Variants in ZFPM2 observed in about 807,000 individuals in gnomAD.
ZFPM2 encodes the protein zinc finger protein, FOG family member 2, also known as zinc finger protein ZFPM2.
Under a neutral mutation model 98.6 loss-of-function variants are expected in ZFPM2, and 20 were observed. That is an observed-to-expected ratio of 0.20 (90% CI 0.14 to 0.29). The LOEUF is 0.29. Ranked by LOEUF, ZFPM2 falls within the 10% of genes least tolerant of loss-of-function variation. The pLI, the probability that ZFPM2 is intolerant of heterozygous loss-of-function variation, is 1.00. For synonymous variants in ZFPM2, 518 were observed against 502.7 expected (o/e 1.03, Z -0.41); for missense variants, 1,310 against 1,388.6 (o/e 0.94, Z 0.90).
At chr8:105,393,881 A>G (rs2129948931) in intron 1 of ZFPM2, among the ~76,000 whole-genome samples, 1 of 151,542 alleles carries the variant, frequency 6.6e-6, no homozygotes, top group Admixed American at 6.6e-5. Flanking sequence ...ATAGAATTAG[A>G]TCTAAAATAT....
chr8:105,520,879 G>A (rs952279173), intron 3 of ZFPM2, among the ~76,000 whole-genome samples: 1 of 151,864 alleles, frequency 6.6e-6, no homozygotes, highest in East Asian at 1.9e-4. Context: ...ATATGGGGAG[G>A]GCTGGGGCCT....
intron 3 of ZFPM2, among the ~76,000 whole-genome samples, chr8:105,521,419 G>C (rs1814058110): frequency 7.1e-6 from 1 of 141,688 alleles, no homozygotes; most frequent in Non-Finnish European, 1.5e-5. Flanking sequence ...GGGGGGGAGG[G>C]ATGAGTCAAT....
intron 5 of ZFPM2, among the ~76,000 whole-genome samples, chr8:105,726,660 A>G (rs893772951): frequency 1.3e-5 from 2 of 151,784 alleles, no homozygotes; most frequent in African/African-American, 4.8e-5. Context: ...TTTATACTCA[A>G]TCTCCATGGA....
At chr8:105,441,769 C>T (rs1440000696) in intron 2 of ZFPM2, among the ~76,000 whole-genome samples, 1 of 152,046 alleles carries the variant, frequency 6.6e-6, no homozygotes, top group African/African-American at 2.4e-5. Context: ...TCTGACCAAT[C>T]CAAACGGATA....
At chr8:105,767,685 A>G (rs2131084164) in intron 5 of ZFPM2, among the ~76,000 whole-genome samples, 1 of 151,990 alleles carries the variant, frequency 6.6e-6, no homozygotes, top group Non-Finnish European at 1.5e-5. Context: ...TTCACTGGGG[A>G]AAAATAGACA....
chr8:105,442,485 C>T lies in ZFPM2; in HGVS notation c.200-1795C>T, dbSNP rs1469022071. On this transcript the variant is annotated intron_variant, in intron 2 of 7. Transcript: ENST00000407775. ...TTCTGTAAATATCATCCTGCACCTA[C>T]CACAGTTCCTTAAACATAGTAGATG... Among the ~76,000 whole-genome samples the T allele has an allele frequency of 2.0e-5, 3 of 152,158 alleles. No individual in the cohort carries two copies. In the East Asian group the frequency reaches 5.8e-4, roughly 29 times the overall value.
At chr8:105,508,793 G>A (rs1420874722) in intron 3 of ZFPM2, among the ~76,000 whole-genome samples, 3 of 132,978 alleles carry the variant, frequency 2.3e-5, no homozygotes, top group African/African-American at 1.0e-4. Context: ...TGCAGAAAAC[G>A]TTCAGATTTT....
chr8:105,521,132 T>TATAC (rs1814046711), intron 3 of ZFPM2, among the ~76,000 whole-genome samples: 1 of 148,518 alleles, frequency 6.7e-6, no homozygotes, highest in African/African-American at 2.5e-5. Flanking sequence ...TATATATATA[T>TATAC]ACACACACAC....
intron 1 of ZFPM2, among the ~76,000 whole-genome samples, chr8:105,407,412 A>G (rs1409671428): frequency 6.6e-6 from 1 of 151,992 alleles, no homozygotes; most frequent in East Asian, 1.9e-4. Context: ...AAAAGCATTA[A>G]TTCATGTTTG....
chr8:105,517,947 G>A (rs1024248495), intron 3 of ZFPM2, among the ~76,000 whole-genome samples: 25 of 152,012 alleles, frequency 1.6e-4, no homozygotes, highest in African/African-American at 5.6e-4. Flanking sequence ...AGCAAACGAC[G>A]AATACCCTTG....
intron 6 of ZFPM2, among the ~76,000 whole-genome samples, chr8:105,795,246 T>TCGTGTGTGTGTG (rs1554582313): frequency 1.1e-3 from 157 of 138,320 alleles, no homozygotes; most frequent in African/African-American, 1.8e-3. Flanking sequence ...CATTTTATCT[T>TCGTGTGTGTGTG]TGTGTGTGTG....
At chr8:105,705,747 G>A (rs890837127) in intron 5 of ZFPM2, among the ~76,000 whole-genome samples, 2 of 152,160 alleles carry the variant, frequency 1.3e-5, no homozygotes, top group African/African-American at 4.8e-5. Context: ...CCAAAGGAAG[G>A]TCTATTCTTG....
At chr8:105,348,263 T>G (rs1448285319) in intron 1 of ZFPM2, among the ~76,000 whole-genome samples, 1 of 152,212 alleles carries the variant, frequency 6.6e-6, no homozygotes, top group East Asian at 1.9e-4. Flanking sequence ...ATGCTTTGCA[T>G]TTGCAGGTAT....
chr8:105,620,759 G>T (rs1816522802), intron 4 of ZFPM2, among the ~76,000 whole-genome samples: 1 of 152,164 alleles, frequency 6.6e-6, no homozygotes. Flanking sequence ...TGGGTAGCCA[G>T]TTTTCCCAGC....
At chr8:105,370,385 C>T (rs950147571) in intron 1 of ZFPM2, among the ~76,000 whole-genome samples, 3 of 152,060 alleles carry the variant, frequency 2.0e-5, no homozygotes, top group Admixed American at 1.3e-4. Context: ...CAAATTGTGA[C>T]GTAATGAAAT....
At chr8:105,319,014 G>T (rs1373970282) in intron 1 of ZFPM2, 33 bp downstream of exon 1, 4 of 1,491,152 alleles carry the variant, frequency 2.7e-6, no homozygotes, top group East Asian at 2.8e-5. Flanking sequence ...GAGTTGGTGG[G>T]ATTATTGCCC....
At chr8:105,403,252 G>A (rs569182217) in intron 1 of ZFPM2, among the ~76,000 whole-genome samples, 1 of 152,114 alleles carries the variant, frequency 6.6e-6, no homozygotes, top group South Asian at 2.1e-4. Flanking sequence ...TTAGTTAAAT[G>A]TAAACAGAAA....
intron 4 of ZFPM2, among the ~76,000 whole-genome samples, chr8:105,625,170 C>T (rs1563748152): frequency 1.3e-5 from 2 of 152,028 alleles, no homozygotes; most frequent in Non-Finnish European, 2.9e-5. Flanking sequence ...TCCCACTTGT[C>T]CTTTTCACAT....
At chr8:105,748,564 T>G (rs1812403220) in intron 5 of ZFPM2, among the ~76,000 whole-genome samples, 1 of 151,992 alleles carries the variant, frequency 6.6e-6, no homozygotes, top group Admixed American at 6.6e-5. Context: ...ATATTGAGGG[T>G]CGTTTGAAAG....
Sources: gnomAD v4.1 joint callset for allele counts (sites outside exome capture counted in the v4.1 genomes callset) on GRCh38, gnomAD v4.1.1 for gene constraint, MANE v1.5 for transcripts, NCBI Gene and HGNC (gene_info 2026-07-23, HGNC 2026-07-21) for gene names.